LUZP2: variants seen among roughly 807,000 people sequenced by gnomAD.
The protein encoded by LUZP2 is leucine zipper protein 2.
A neutral mutation model predicts 51.6 loss-of-function variants in LUZP2; 52 were observed. The observed-to-expected ratio is 1.01, with a 90% confidence interval of 0.81 to 1.27. The LOEUF (loss-of-function observed/expected upper bound fraction) is 1.27. Ranked by LOEUF, LUZP2 falls within the 50% of genes most tolerant of loss-of-function variation. The pLI is 0.00. For missense variants in LUZP2, 436 were observed against 395.4 expected, an observed-to-expected ratio of 1.10 and a Z score of -0.87; for synonymous variants, 154 against 137.3, an observed-to-expected ratio of 1.12 and a Z score of -0.85.
chr11:24,627,371 T>C (rs1463564467), intron 1 of LUZP2, among the ~76,000 whole-genome samples: 2 of 152,204 alleles, frequency 1.3e-5, no homozygotes, highest in African/African-American at 4.8e-5. Context: ...GCCAGAAATG[T>C]CAGTGCTCAT....
chr11:25,030,263 A>G (rs1209843124), intron 9 of LUZP2, among the ~76,000 whole-genome samples: 1 of 152,152 alleles, frequency 6.6e-6, no homozygotes, highest in Non-Finnish European at 1.5e-5. Context: ...TATCTTTGTT[A>G]CTGGTAGTTG....
chr11:25,052,108 A>G (rs1858534147), intron 10 of LUZP2, among the ~76,000 whole-genome samples: 1 of 152,184 alleles, frequency 6.6e-6, no homozygotes, highest in Admixed American at 6.5e-5. Flanking sequence ...TCTGTCCTCT[A>G]GACTTTTGTA....
chr11:24,534,965 T>A, intron 1 of LUZP2, among the ~76,000 whole-genome samples: 1 of 151,358 alleles, frequency 6.6e-6, no homozygotes, highest in East Asian at 1.9e-4. Context: ...ATATTGTGGG[T>A]TGGGCTCCAG....
chr11:24,602,292 ATG>A (rs1193440842), intron 1 of LUZP2, among the ~76,000 whole-genome samples: 5 of 144,774 alleles, frequency 3.5e-5, no homozygotes, highest in Non-Finnish European at 6.0e-5. Flanking sequence ...ACACATATAT[ATG>A]TACATACATA....
intron 5 of LUZP2, among the ~76,000 whole-genome samples, chr11:24,888,353 A>G (rs552574350): frequency 6.7e-4 from 102 of 152,272 alleles, no homozygotes; most frequent in African/African-American, 2.2e-3. Context: ...TCCAATTAAT[A>G]TAGAGTAAGA....
chr11:24,981,326 T>A (rs975841949), intron 8 of LUZP2, among the ~76,000 whole-genome samples: 20 of 151,722 alleles, frequency 1.3e-4, no homozygotes, highest in African/African-American at 4.8e-4. Flanking sequence ...GTCATAGCAT[T>A]TGTAAAATGT....
chr11:24,930,535 G>A (rs2133833082), intron 7 of LUZP2, among the ~76,000 whole-genome samples: 1 of 152,206 alleles, frequency 6.6e-6, no homozygotes, highest in African/African-American at 2.4e-5. Flanking sequence ...TGTTTAAGGA[G>A]GCTAAAGATA....
rs140793546 is a variant in LUZP2 at position 24,834,799 on chromosome 11, A to T, written c.397-71192A>T. 7.2e-3 allele frequency among the ~76,000 whole-genome samples: 1,101 copies of T among 152,220 alleles called. 9 individuals are homozygous for T. Among genetic ancestry groups the T allele is most frequent in the Non-Finnish European group, 0.013 (862 of 68,012 alleles). ...TAATTGCCATTCTGACTGGTGTGAGATGGTATCTCATTGTGGTTTTGATTT... is the reference window on the plus strand; with the variant it reads ...TAATTGCCATTCTGACTGGTGTGAGTTGGTATCTCATTGTGGTTTTGATTT... On this transcript the variant is annotated intron_variant, in intron 5 of 11. Coordinates refer to ENST00000336930, the MANE Select transcript of LUZP2 (RefSeq NM_001009909.4).
intron 1 of LUZP2, among the ~76,000 whole-genome samples, chr11:24,560,532 C>T (rs1184178195): frequency 6.6e-6 from 1 of 152,028 alleles, no homozygotes; most frequent in African/African-American, 2.4e-5. Flanking sequence ...ACAAGAAAAA[C>T]AGGCAGCACG....
intron 7 of LUZP2, among the ~76,000 whole-genome samples, chr11:24,915,675 T>C (rs564234200): frequency 6.6e-6 from 1 of 151,930 alleles, no homozygotes; most frequent in African/African-American, 2.4e-5. Context: ...AGATGATAGA[T>C]AGATAGATGG....
chr11:24,791,756 C>G (rs1048474395), intron 5 of LUZP2, among the ~76,000 whole-genome samples: 5 of 151,976 alleles, frequency 3.3e-5, no homozygotes, highest in African/African-American at 1.2e-4. Context: ...ATTTAAGAAG[C>G]AACATTTTGA....
rs557335270 is a variant in LUZP2 at position 25,052,201 on chromosome 11, A to G, written c.858+2071A>G. 5.9e-5 allele frequency among the ~76,000 whole-genome samples: 9 copies of G among 152,354 alleles called. No individual in the cohort carries two copies. The East Asian group carries it at 1.7e-3, about 29-fold the overall frequency. ...AGAGCCTGCAGATTCAATTATAGATAATAATGAAGAAAGTAATACAATGAG... is the reference window on the plus strand; with the variant it reads ...AGAGCCTGCAGATTCAATTATAGATGATAATGAAGAAAGTAATACAATGAG... On this transcript the variant is annotated intron_variant, in intron 10 of 11. Coordinates refer to ENST00000336930, the MANE Select transcript of LUZP2 (RefSeq NM_001009909.4).
intron 5 of LUZP2, among the ~76,000 whole-genome samples, chr11:24,777,160 A>AT (rs1221318536): frequency 1.3e-5 from 2 of 151,658 alleles, no homozygotes; most frequent in African/African-American, 4.8e-5. Context: ...CGCCTGGCTA[A>AT]TTTTTTGTAT....
chr11:24,942,805 G>A (rs1231869534), intron 7 of LUZP2, among the ~76,000 whole-genome samples: 1 of 152,080 alleles, frequency 6.6e-6, no homozygotes, highest in Admixed American at 6.6e-5. Context: ...CTAACACAAG[G>A]TCATAAAGTT....
At chr11:24,983,836 A>G in intron 9 of LUZP2, among the ~76,000 whole-genome samples, 1 of 145,122 alleles carries the variant, frequency 6.9e-6, no homozygotes, top group African/African-American at 2.6e-5. Context: ...TTTGAGTTAG[A>G]CTCCAGTTAT....
At chr11:24,810,291 T>C (rs954523830) in intron 5 of LUZP2, among the ~76,000 whole-genome samples, 2 of 152,164 alleles carry the variant, frequency 1.3e-5, no homozygotes, top group African/African-American at 4.8e-5. Context: ...TTTCCTGTCA[T>C]ATTTAGCATA....
At chr11:24,758,861 T>G (rs780319942) in intron 4 of LUZP2, among the ~76,000 whole-genome samples, 4 of 152,104 alleles carry the variant, frequency 2.6e-5, no homozygotes, top group South Asian at 2.1e-4. Context: ...AAACATTGAT[T>G]TATTTATCAT....
At chr11:25,075,115 T>G (rs1181580823) in intron 10 of LUZP2, among the ~76,000 whole-genome samples, 1 of 152,180 alleles carries the variant, frequency 6.6e-6, no homozygotes, top group African/African-American at 2.4e-5. Context: ...ACAGAGTGAT[T>G]ATAATATTTC....
At chr11:24,758,324 CGTGT>C (rs34105960) in intron 4 of LUZP2, among the ~76,000 whole-genome samples, 99 of 148,194 alleles carry the variant, frequency 6.7e-4, no homozygotes, top group East Asian at 5.4e-3. Flanking sequence ...GAATGACTTG[CGTGT>C]GTGTGTGTGT....
Sources: allele counts gnomAD v4.1 joint callset (sites outside exome capture counted in the v4.1 genomes callset), GRCh38; gene constraint gnomAD v4.1.1; transcripts MANE v1.5; gene names NCBI Gene and HGNC (gene_info 2026-07-23, HGNC 2026-07-21).